The following LARP1 variants were observed in gnomAD, a reference collection of about 807,000 sequenced individuals.
LARP1 encodes the protein La ribonucleoprotein 1, translational regulator, also known as la-related protein 1.
In LARP1, 36 loss-of-function variants were observed where a neutral mutation model predicts 122.7. The observed-to-expected ratio is 0.29, with a 90% confidence interval of 0.22 to 0.39. The LOEUF (loss-of-function observed/expected upper bound fraction) is 0.39, where lower values mean the gene tolerates loss of function less well. LARP1 is among the 10% of genes least tolerant of loss of function. LARP1 has a pLI of 1.00. For synonymous variants in LARP1, 539 were observed against 528.7 expected, an observed-to-expected ratio of 1.02 and a Z score of -0.27; for missense variants, 1,040 against 1,403.6, an observed-to-expected ratio of 0.74 and a Z score of 4.14.
intron 1 of LARP1, among the ~76,000 whole-genome samples, chr5:154,717,770 T>C (rs891409116): frequency 7.9e-5 from 12 of 152,214 alleles, no homozygotes; most frequent in Non-Finnish European, 4.4e-5. Context: ...TGAGGAGCTC[T>C]ACTGAGATTT....
intron 1 of LARP1, among the ~76,000 whole-genome samples, chr5:154,764,904 CA>C (rs57409005): frequency 0.22 from 23,019 of 102,340 alleles, 2,270 homozygotes; most frequent in African/African-American, 0.37. Context: ...GACTCCATCA[CA>C]AAAAAAAAAA....
intron 1 of LARP1, among the ~76,000 whole-genome samples, chr5:154,748,071 A>T (rs1016989344): frequency 1.3e-5 from 2 of 152,134 alleles, no homozygotes; most frequent in African/African-American, 4.8e-5. Flanking sequence ...GCTTGTCCTG[A>T]ACTCCTGGCC....
upstream of LARP1, among the ~76,000 whole-genome samples, chr5:154,750,414 T>C (rs1363953917): frequency 6.6e-6 from 1 of 150,596 alleles, no homozygotes; most frequent in Non-Finnish European, 1.5e-5. Flanking sequence ...GGACTACAGG[T>C]GTGTGCCACC....
chr5:154,778,947 A>G (rs1020004278), intron 1 of LARP1, among the ~76,000 whole-genome samples: 1 of 152,244 alleles, frequency 6.6e-6, no homozygotes, highest in Non-Finnish European at 1.5e-5. Context: ...CTATAAAATT[A>G]CTGTTTATCT....
intron 1 of LARP1, among the ~76,000 whole-genome samples, chr5:154,766,007 G>C (rs1305666657): frequency 6.6e-6 from 1 of 152,118 alleles, no homozygotes; most frequent in African/African-American, 2.4e-5. Flanking sequence ...TGTAGCAGGG[G>C]CACCCAATTC....
upstream of LARP1, among the ~76,000 whole-genome samples, chr5:154,708,131 G>A (rs1188957062): frequency 6.6e-6 from 1 of 152,298 alleles, no homozygotes; most frequent in African/African-American, 2.4e-5. Flanking sequence ...TTTGAAAGCT[G>A]AGATAGGTGA....
chr5:154,769,831 G>A (rs529970628), intron 1 of LARP1, among the ~76,000 whole-genome samples: 1 of 152,304 alleles, frequency 6.6e-6, no homozygotes, highest in East Asian at 1.9e-4. Flanking sequence ...TCAAAGTGTT[G>A]GGGAGTGCCT....
Position 154,816,390 on chromosome 5 carries a change from A to G in LARP1, c.*2294A>G, listed in dbSNP as rs1759669290. 1 of 152,682 alleles carries G rather than the reference A, an allele frequency of 6.5e-6. No individual in the cohort carries two copies. The highest frequency in any genetic ancestry group is 2.1e-4 in the South Asian group (1 of 4,830). 9.5% of individuals were successfully genotyped at this position (152,682 alleles called of 1,614,324 possible). A position where few individuals can be genotyped will look rare whatever the true frequency, so the allele number is the denominator to read the frequency against. On this transcript the variant is annotated 3_prime_UTR_variant, in exon 19 of 19. Transcript: ENST00000518297. ...TAGGGTATGGGGAAAGGCTGTTATT[A>G]CCTAGAGTTTACTCCCAGGCCAGGG...
chr5:154,810,399 G>T (rs1282624624), intron 16 of LARP1, among the ~76,000 whole-genome samples: 1 of 151,418 alleles, frequency 6.6e-6, no homozygotes, highest in South Asian at 2.1e-4. Context: ...TCGTGCCACT[G>T]CACTCCAGCC....
chr5:154,803,532 C>T lies in LARP1; in HGVS notation c.2234-8C>T. 6.2e-7 allele frequency: 1 copy of T among 1,614,156 alleles called. No homozygotes were observed. The highest frequency in any genetic ancestry group is 1.6e-4 in the Middle Eastern group (1 of 6,062). Reference sequence around the variant, plus strand: ...CCTGCTTCCTGACTCCTCTCTCTGCCTCTGCAGTTCCTACGGATGCCCTGG... The same window carrying T: ...CCTGCTTCCTGACTCCTCTCTCTGCTTCTGCAGTTCCTACGGATGCCCTGG... On this transcript the variant is annotated splice_region_variant and splice_polypyrimidine_tract_variant and intron_variant, in intron 12 of 18. Coordinates refer to ENST00000518297, the MANE Select transcript of LARP1 (RefSeq NM_033551.3). The surrounding 1 kb of genome is among the most constrained non-coding windows in gnomAD (Gnocchi z 4.4).
chr5:154,810,088 C>T (rs1582488914), intron 16 of LARP1, among the ~76,000 whole-genome samples: 1 of 152,088 alleles, frequency 6.6e-6, no homozygotes, highest in Non-Finnish European at 1.5e-5. Flanking sequence ...TATTCGTTGA[C>T]ATTTGTATTT....
intron 1 of LARP1, among the ~76,000 whole-genome samples, chr5:154,745,754 C>T (rs1753152695): frequency 6.6e-6 from 1 of 150,790 alleles, no homozygotes; most frequent in Non-Finnish European, 1.5e-5. Context: ...CCTGAGGTCA[C>T]GCAGCTAGGA....
chr5:154,805,156 AG>A, intron 14 of LARP1: 1 of 335,626 alleles, frequency 3.0e-6, no homozygotes, highest in East Asian at 7.8e-5. Context: ...TGGTGGGGAG[AG>A]GGAGGAGAGT....
At chr5:154,726,376 C>T (rs377735788) in intron 1 of LARP1, among the ~76,000 whole-genome samples, 14 of 152,064 alleles carry the variant, frequency 9.2e-5, no homozygotes, top group African/African-American at 1.9e-4. Flanking sequence ...ACCTGCTATT[C>T]GATCAAAATT....
chr5:154,723,841 G>C (rs547321985), intron 1 of LARP1, among the ~76,000 whole-genome samples: 2 of 152,140 alleles, frequency 1.3e-5, no homozygotes, highest in African/African-American at 4.8e-5. Context: ...CGGAACAAGT[G>C]GGGAGAGAGA....
chr5:154,761,180 G>T (rs1332807310), intron 1 of LARP1, among the ~76,000 whole-genome samples: 1 of 152,214 alleles, frequency 6.6e-6, no homozygotes, highest in African/African-American at 2.4e-5. Context: ...CTTTCATCGG[G>T]AGCCTTCAGC....
rs890165175 is a variant in LARP1, at chr5:154,693,858, A to C, written c.-180+10821A>C. Among the ~76,000 whole-genome samples, 14 of 145,766 alleles carry C rather than the reference A, an allele frequency of 9.6e-5. No homozygotes were observed. In the East Asian group the frequency reaches 2.1e-3, roughly 22 times the overall value. On this transcript the variant is annotated intron_variant, in intron 1 of 18. Coordinates refer to the LARP1 transcript ENST00000687700. ...GCGACAGAGCAAGACTCCGTCTAAAAAAAAAAAAAAAAAAGAAAGAAAGTT... is the reference window on the plus strand; with the variant it reads ...GCGACAGAGCAAGACTCCGTCTAAACAAAAAAAAAAAAAAGAAAGAAAGTT...
chr5:154,689,181 C>T (rs979331143), intron 1 of LARP1, among the ~76,000 whole-genome samples: 4 of 151,822 alleles, frequency 2.6e-5, no homozygotes, highest in Non-Finnish European at 5.9e-5. Flanking sequence ...TGGCTGGGTG[C>T]GGTGGCTCAC....
At chr5:154,759,837 A>G (rs1754300832) in intron 1 of LARP1, among the ~76,000 whole-genome samples, 1 of 152,250 alleles carries the variant, frequency 6.6e-6, no homozygotes, top group African/African-American at 2.4e-5. Flanking sequence ...TTAAACGCTT[A>G]AAATAGGCTT....
Sources: gnomAD v4.1 joint callset for allele counts (sites outside exome capture counted in the v4.1 genomes callset) on GRCh38, gnomAD v4.1.1 for gene constraint, Gnocchi (gnomAD v3.1) non-coding constraint, MANE v1.5 for transcripts, NCBI Gene and HGNC (gene_info 2026-07-23, HGNC 2026-07-21) for gene names.